ATP9A: variants seen among roughly 807,000 people sequenced by gnomAD.
ATP9A encodes probable phospholipid-transporting ATPase IIA.
In ATP9A, 52 loss-of-function variants were observed where a neutral mutation model predicts 144.1. The ratio of observed to expected loss-of-function variants is 0.36; its 90% CI spans 0.29 to 0.45. ATP9A has a LOEUF of 0.45. Among genes scored for constraint, ATP9A ranks in the 20% least tolerant of loss-of-function variants. The pLI, the probability that ATP9A is intolerant of heterozygous loss-of-function variation, is 1.00. For missense variants in ATP9A, 947 were observed against 1,392.7 expected (o/e 0.68, Z 5.09); for synonymous variants, 582 against 557.4 (o/e 1.04, Z -0.62).
intron 1 of ATP9A, chr20:51,734,789 C>T (rs2077756619): frequency 4.6e-6 from 1 of 215,942 alleles, no homozygotes; most frequent in Non-Finnish European, 9.9e-6. Flanking sequence ...AGGCCAACAC[C>T]ACCAAGGCCC....
intron 4 of ATP9A, among the ~76,000 whole-genome samples, chr20:51,708,397 C>T (rs2077623569): frequency 6.6e-6 from 1 of 151,982 alleles, no homozygotes; most frequent in Non-Finnish European, 1.5e-5. Context: ...TCCATTTTTC[C>T]TCCCAATAAT....
At chr20:51,692,876 T>C (rs1266845406) in intron 7 of ATP9A, among the ~76,000 whole-genome samples, 1 of 152,202 alleles carries the variant, frequency 6.6e-6, no homozygotes, top group East Asian at 1.9e-4. Flanking sequence ...CACTTTTTAT[T>C]ATCCATGAAA....
chr20:51,718,516 T>C (rs961466868), intron 3 of ATP9A, among the ~76,000 whole-genome samples: 5 of 151,780 alleles, frequency 3.3e-5, no homozygotes, highest in Admixed American at 3.3e-4. Context: ...ATCTGGCTTT[T>C]AAGATAATTC....
intron 13 of ATP9A, among the ~76,000 whole-genome samples, chr20:51,668,651 T>G (rs1201235325): frequency 1.3e-5 from 2 of 152,156 alleles, no homozygotes; most frequent in Non-Finnish European, 2.9e-5. Flanking sequence ...TTCCTCGTGA[T>G]TTCTTAATAG....
intron 4 of ATP9A, among the ~76,000 whole-genome samples, chr20:51,705,225 G>T (rs2077610241): frequency 6.6e-6 from 1 of 152,058 alleles, no homozygotes; most frequent in Non-Finnish European, 1.5e-5. Flanking sequence ...CTCCAAAAAA[G>T]AAAAAGGTGC....
chr20:51,766,207 A>T (rs574642383), intron 1 of ATP9A, among the ~76,000 whole-genome samples: 1 of 152,286 alleles, frequency 6.6e-6, no homozygotes, highest in South Asian at 2.1e-4. Flanking sequence ...GGAGCTTATT[A>T]AAATATATAG....
At chr20:51,619,221 A>G (rs13040403) in intron 19 of ATP9A, among the ~76,000 whole-genome samples, 178 bp from the exon 20 acceptor site, 19,892 of 152,180 alleles carry the variant, frequency 0.13, 1,398 homozygotes, top group Admixed American at 0.18. Flanking sequence ...TGCAGGAATC[A>G]AGAGAGCCCA....
chr20:51,744,951 G>A (rs560525931), intron 1 of ATP9A, among the ~76,000 whole-genome samples: 35 of 152,226 alleles, frequency 2.3e-4, no homozygotes, highest in African/African-American at 7.7e-4. Context: ...CCAACATGAC[G>A]AAACCTTGTC....
At chr20:51,658,348 G>C (rs1196945527) in intron 13 of ATP9A, among the ~76,000 whole-genome samples, 3 of 151,908 alleles carry the variant, frequency 2.0e-5, no homozygotes, top group Non-Finnish European at 4.4e-5. Flanking sequence ...CAGCTACTCG[G>C]GAGGCTGAGG....
At position 51,729,876 on chromosome 20, in the gene ATP9A, G is replaced by T; in HGVS notation, c.171C>A (p.Val57=). ...EKRDQRYPRN[V]INNQKYNFFT... is the part of the protein sequence containing the mutation. ...AGAAATTGTACTTCTGATTGTTGATGACATTCCGAGGATACCTCTGGTCTC... is the reference window on the plus strand; with the variant it reads ...AGAAATTGTACTTCTGATTGTTGATTACATTCCGAGGATACCTCTGGTCTC... Residue 57 remains valine (V), a synonymous_variant, in exon 2 of 28, where the codon GTC becomes GTA. Coordinates refer to ENST00000338821, the MANE Select transcript of ATP9A (RefSeq NM_006045.3). 6.2e-7 allele frequency: 1 copy of T among 1,606,152 alleles called. No homozygotes were observed. Among genetic ancestry groups the T allele is most frequent in the South Asian group, 1.1e-5 (1 of 90,248 alleles).
intron 9 of ATP9A, among the ~76,000 whole-genome samples, chr20:51,678,586 G>A (rs2077487025): frequency 6.6e-6 from 1 of 152,210 alleles, no homozygotes; most frequent in African/African-American, 2.4e-5. Context: ...GCAGGCTCCT[G>A]TGAACACAGG....
At chr20:51,670,240 G>A in intron 12 of ATP9A, 131 bp from the exon 13 acceptor site, 1 of 675,232 alleles carries the variant, frequency 1.5e-6, no homozygotes, top group Non-Finnish European at 2.6e-6. Context: ...TCCCTGCTGG[G>A]GAAGACACCT....
chr20:51,681,427 CTTTT>C (rs66579534), intron 9 of ATP9A, among the ~76,000 whole-genome samples: 1 of 131,636 alleles, frequency 7.6e-6, no homozygotes, highest in Non-Finnish European at 1.6e-5. Flanking sequence ...TCCTAAATTT[CTTTT>C]TTTTTTTTTT....
intron 23 of ATP9A, 135 bp from the exon 24 acceptor site, chr20:51,610,300 C>T (rs2077180084): frequency 4.6e-6 from 3 of 657,268 alleles, no homozygotes; most frequent in Non-Finnish European, 8.0e-6. Flanking sequence ...TGGATTTGCT[C>T]ATTTCATTCT....
intron 1 of ATP9A, among the ~76,000 whole-genome samples, chr20:51,736,282 C>T (rs552051068): frequency 1.4e-4 from 21 of 152,278 alleles, no homozygotes; most frequent in Non-Finnish European, 3.1e-4. Flanking sequence ...GCTTTGTCAC[C>T]AGGGCAAGGA....
intron 3 of ATP9A, among the ~76,000 whole-genome samples, 196 bp from the exon 4 acceptor site, chr20:51,713,270 C>A (rs1348263498): frequency 1.3e-5 from 2 of 152,170 alleles, no homozygotes; most frequent in African/African-American, 4.8e-5. Context: ...CATGCACTCC[C>A]AAACACAACC....
At chr20:51,672,570 T>C (rs967087738) in intron 11 of ATP9A, among the ~76,000 whole-genome samples, 4 of 152,176 alleles carry the variant, frequency 2.6e-5, no homozygotes, top group Non-Finnish European at 5.9e-5. Flanking sequence ...CCCCTGTCCC[T>C]GTCACACTGT....
At chr20:51,740,883 A>T (rs1256182125) in intron 1 of ATP9A, among the ~76,000 whole-genome samples, 1 of 151,830 alleles carries the variant, frequency 6.6e-6, no homozygotes, top group African/African-American at 2.4e-5. Flanking sequence ...CCCCAATTCT[A>T]ATGTTTAAAG....
chr20:51,765,652 A>G (rs1449105581), intron 1 of ATP9A, among the ~76,000 whole-genome samples: 1 of 149,870 alleles, frequency 6.7e-6, no homozygotes, highest in Non-Finnish European at 1.5e-5. Flanking sequence ...CAAAAAAAAA[A>G]AACAGAATTA....
Sources: gnomAD v4.1 joint callset for allele counts (sites outside exome capture counted in the v4.1 genomes callset) on GRCh38, gnomAD v4.1.1 for gene constraint, MANE v1.5 for transcripts, NCBI Gene and HGNC (gene_info 2026-07-23, HGNC 2026-07-21) for gene names.